BMPR2: variants seen among roughly 807,000 people sequenced by gnomAD.
BMPR2 encodes bone morphogenetic protein receptor type 2, also known as bone morphogenetic protein receptor type-2.
Under a neutral mutation model 100.8 loss-of-function variants are expected in BMPR2, and 29 were observed. That is an observed-to-expected ratio of 0.29 (90% confidence interval 0.21 to 0.39). The LOEUF is 0.39. BMPR2 is among the 10% of genes least tolerant of loss of function. BMPR2 has a pLI of 1.00. For missense variants in BMPR2, 1,011 were observed against 1,274.5 expected (o/e 0.79, Z 3.15); for synonymous variants, 382 against 442.3 (o/e 0.86, Z 1.71).
Position 202,544,431 on chromosome 2 carries a change from T to G in BMPR2, c.1413+1984T>G, listed in dbSNP as rs567949662. On this transcript the variant is annotated intron_variant, in intron 10 of 12. Coordinates refer to ENST00000374580, the MANE Select transcript of BMPR2 (RefSeq NM_001204.7). ...CTGGATAATAGTTTCAATATCATAA[T>G]TATTTTCTTCACAACTTTGAAACTA... Among the ~76,000 whole-genome samples, 16 of 152,322 alleles carry G rather than the reference T, an allele frequency of 1.1e-4. No homozygotes were observed. In the South Asian group the frequency reaches 1.4e-3, roughly 14 times the overall value.
chr2:202,415,053 T>G (rs1691096469), intron 1 of BMPR2, among the ~76,000 whole-genome samples: 2 of 152,016 alleles, frequency 1.3e-5, no homozygotes, highest in Non-Finnish European at 2.9e-5. Context: ...CTGTGAAAAC[T>G]GAGAGAGGTA....
At chr2:202,431,417 T>G (rs929903992) in intron 1 of BMPR2, among the ~76,000 whole-genome samples, 1 of 150,654 alleles carries the variant, frequency 6.6e-6, no homozygotes, top group Non-Finnish European at 1.5e-5. Flanking sequence ...CCTCTTTGAG[T>G]CTCAGTTTTC....
At chr2:202,435,818 C>A (rs1344920147) in intron 1 of BMPR2, among the ~76,000 whole-genome samples, 1 of 150,386 alleles carries the variant, frequency 6.6e-6, no homozygotes, top group East Asian at 1.9e-4. Context: ...AGTGGAATAG[C>A]TATACAACTA....
intron 1 of BMPR2, among the ~76,000 whole-genome samples, chr2:202,407,711 G>T (rs1690930604): frequency 6.6e-6 from 1 of 151,498 alleles, no homozygotes; most frequent in Non-Finnish European, 1.5e-5. Flanking sequence ...GGAGCTTGCA[G>T]TGAGCCAAGA....
At chr2:202,427,541 T>C (rs1691414048) in intron 1 of BMPR2, among the ~76,000 whole-genome samples, 1 of 152,092 alleles carries the variant, frequency 6.6e-6, no homozygotes, top group Admixed American at 6.6e-5. Flanking sequence ...TTTGTTTTCC[T>C]CTGAACCTTA....
intron 1 of BMPR2, among the ~76,000 whole-genome samples, chr2:202,395,291 GTAAAC>G (rs939132337): frequency 6.6e-6 from 1 of 152,128 alleles, no homozygotes; most frequent in African/African-American, 2.4e-5. Flanking sequence ...TTTTCTCTCT[GTAAAC>G]TAAGCAAGGT....
In BMPR2 at chr2:202,440,571, C is replaced by T. The variant is rs554410456; in HGVS notation, c.77-24238C>T. Among the ~76,000 whole-genome samples the T allele has an allele frequency of 1.0e-3, 151 of 150,608 alleles. 13 individuals are homozygous for T. Among genetic ancestry groups the T allele is most frequent in the African/African-American group, 3.4e-3 (138 of 40,044 alleles). ...CTCACTTCCCAGACGGGGTGGCGGCCGGGCAGAGGCTGCAATCTCGGCACT... is the reference window on the plus strand; with the variant it reads ...CTCACTTCCCAGACGGGGTGGCGGCTGGGCAGAGGCTGCAATCTCGGCACT... On this transcript the variant is annotated intron_variant, in intron 1 of 12. Transcript: ENST00000374580.
At chr2:202,435,376 C>CATATATATATATATATATATATAT (rs141854934) in intron 1 of BMPR2, among the ~76,000 whole-genome samples, 22 of 103,424 alleles carry the variant, frequency 2.1e-4, no homozygotes, top group African/African-American at 3.4e-4. Flanking sequence ...AAAAAAAATA[C>CATATATATATATATATATATATAT]ATATATATAT....
chr2:202,467,688 C>G lies in BMPR2; in HGVS notation c.417C>G (p.Leu139=), dbSNP rs750326466. Reference sequence around the variant, plus strand: ...TTCCACCTCCTGACACAACACCACTCAGTAAGTAAAGTAACCAACTTTTCT... The same window carrying G: ...TTCCACCTCCTGACACAACACCACTGAGTAAGTAAAGTAACCAACTTTTCT... ...ENFPPPDTTP[L]SPPHSFNRDE... Residue 139 remains leucine, a splice_region_variant and synonymous_variant, in exon 3 of 13, where the codon CTC becomes CTG. Transcript: ENST00000374580. 1 of 1,608,566 alleles carries G rather than the reference C, an allele frequency of 6.2e-7. No individual in the cohort carries two copies. Among genetic ancestry groups the G allele is most frequent in the Non-Finnish European group, 8.5e-7 (1 of 1,175,058 alleles).
At chr2:202,400,222 AC>A (rs1342125241) in intron 1 of BMPR2, among the ~76,000 whole-genome samples, 3 of 152,120 alleles carry the variant, frequency 2.0e-5, no homozygotes, top group Admixed American at 2.0e-4. Flanking sequence ...GTTCACTGCA[AC>A]CTTTAAATCC....
At chr2:202,492,544 A>T (rs934404305) in intron 3 of BMPR2, among the ~76,000 whole-genome samples, 1 of 151,750 alleles carries the variant, frequency 6.6e-6, no homozygotes, top group Non-Finnish European at 1.5e-5. Context: ...TACTAAAAGT[A>T]CAAAAATTAG....
intron 3 of BMPR2, among the ~76,000 whole-genome samples, chr2:202,507,947 G>A (rs1031068752): frequency 1.3e-5 from 2 of 151,532 alleles, no homozygotes; most frequent in African/African-American, 2.4e-5. Context: ...TGATCCACCC[G>A]CCTCAGCCTC....
intron 1 of BMPR2, among the ~76,000 whole-genome samples, chr2:202,411,147 G>T (rs569094748): frequency 2.0e-5 from 3 of 152,130 alleles, no homozygotes; most frequent in African/African-American, 7.2e-5. Flanking sequence ...CTAAGTATCT[G>T]CCCTACAAAA....
chr2:202,555,556 G>C lies in BMPR2; in HGVS notation c.1891G>C (p.Glu631Gln). The C allele has an allele frequency of 6.2e-7, 1 of 1,614,096 alleles. No homozygotes were observed. Among genetic ancestry groups the C allele is most frequent in the South Asian group, 1.1e-5 (1 of 91,080 alleles). The change falls in exon 12 of 13, where the codon GAG (glutamate) becomes CAG (glutamine). Residue 631 changes from glutamate to glutamine, a missense_variant. Glu to Gln is a conservative substitution (Grantham distance 29). This residue lies in a region of BMPR2 where 508 missense variants were observed against 552.0 expected (regional missense o/e 0.92). Coordinates refer to ENST00000374580, the MANE Select transcript of BMPR2 (RefSeq NM_001204.7). ...AAGTACTGGCATGACTACTATATCT[G>C]AGATGCCATACCCAGATGAAACAAA... ...TPSTGMTTIS[E>Q]MPYPDETNLH...
rs1056719838 is a variant in BMPR2 at position 202,543,449 on chromosome 2, A to G, written c.1413+1002A>G. On this transcript the variant is annotated intron_variant, in intron 10 of 12. Coordinates refer to ENST00000374580, the MANE Select transcript of BMPR2 (RefSeq NM_001204.7). ...GAAGTTTATTTTTTTACTTAAACACATTTTTTTAATGTCAGTACCTCTAGA... is the reference window on the plus strand; with the variant it reads ...GAAGTTTATTTTTTTACTTAAACACGTTTTTTTAATGTCAGTACCTCTAGA... Among the ~76,000 whole-genome samples, 4 of 151,260 alleles carry G rather than the reference A, an allele frequency of 2.6e-5. No homozygotes were observed. In the East Asian group the frequency reaches 7.7e-4, roughly 29 times the overall value.
At chr2:202,447,195 C>T (rs532651615) in intron 1 of BMPR2, among the ~76,000 whole-genome samples, 3 of 149,976 alleles carry the variant, frequency 2.0e-5, no homozygotes, top group Non-Finnish European at 4.4e-5. Context: ...GTAATCCCAG[C>T]TACTTGGGAG....
chr2:202,407,778 T>C (rs1402712297), intron 1 of BMPR2, among the ~76,000 whole-genome samples: 1 of 151,640 alleles, frequency 6.6e-6, no homozygotes, highest in East Asian at 1.9e-4. Flanking sequence ...AAAAAAAAAC[T>C]GTATTTATAC....
chr2:202,377,575 C>T, intron 1 of BMPR2, 25 bp downstream of exon 1: 2 of 1,612,942 alleles, frequency 1.2e-6, no homozygotes, highest in South Asian at 1.1e-5. Flanking sequence ...CCGGCACGTC[C>T]CGGCCACTGC....
chr2:202,485,602 A>G (rs1692761657), intron 3 of BMPR2, among the ~76,000 whole-genome samples: 1 of 118,532 alleles, frequency 8.4e-6, no homozygotes, highest in Non-Finnish European at 1.6e-5. Flanking sequence ...GCTGGAGTGT[A>G]GTGGTGTGAT....
Sources: allele counts gnomAD v4.1 joint callset (sites outside exome capture counted in the v4.1 genomes callset), GRCh38; gene constraint gnomAD v4.1.1; regional missense constraint gnomAD v4.1.1; transcripts MANE v1.5; gene names NCBI Gene and HGNC (gene_info 2026-07-23, HGNC 2026-07-21).